The following SYN2 variants were observed in gnomAD, a reference collection of about 807,000 sequenced individuals.
The protein encoded by SYN2 is synapsin II.
Under a neutral mutation model 50.9 loss-of-function variants are expected in SYN2, and 19 were observed. The observed-to-expected ratio is 0.37, with a 90% CI of 0.26 to 0.55. SYN2 has a LOEUF of 0.55. Ranked by LOEUF, SYN2 falls within the 20% of genes least tolerant of loss-of-function variation. The pLI, the probability that SYN2 is intolerant of heterozygous loss-of-function variation, is 0.81. For missense variants in SYN2, 587 were observed against 576.4 expected (o/e 1.02, Z -0.19); for synonymous variants, 255 against 224.9 (o/e 1.13, Z -1.20).
At chr3:12,035,693 G>A (rs557520239) in intron 1 of SYN2, among the ~76,000 whole-genome samples, 1 of 152,330 alleles carries the variant, frequency 6.6e-6, no homozygotes, top group Non-Finnish European at 1.5e-5. Context: ...GTTCTAGTTT[G>A]TAATCGGATA....
At chr3:12,146,642 T>C (rs146381182) in intron 4 of SYN2, among the ~76,000 whole-genome samples, 1 of 152,316 alleles carries the variant, frequency 6.6e-6, no homozygotes, top group East Asian at 1.9e-4. Flanking sequence ...CTCCCATAGA[T>C]TGAGGCTCCT....
intron 1 of SYN2, among the ~76,000 whole-genome samples, chr3:12,031,936 G>T (rs1269930480): frequency 3.5e-5 from 5 of 141,464 alleles, no homozygotes; most frequent in African/African-American, 7.7e-5. Context: ...ATGTTAGCTG[G>T]TGATTTTGCT....
At chr3:12,019,332 A>G (rs138171858) in intron 1 of SYN2, among the ~76,000 whole-genome samples, 1 of 152,270 alleles carries the variant, frequency 6.6e-6, no homozygotes, top group Admixed American at 6.5e-5. Flanking sequence ...CCGTGAGCTA[A>G]CCATGTTAGC....
At position 12,004,431 on chromosome 3, in the gene SYN2, TC is replaced by T; in HGVS notation, c.-120del. 1 of 274,722 alleles carries T rather than the reference TC, an allele frequency of 3.6e-6. No homozygotes were observed. Among genetic ancestry groups the T allele is most frequent in the Non-Finnish European group, 7.1e-6 (1 of 141,582 alleles). 17.0% of individuals were successfully genotyped at this position (274,722 alleles called of 1,614,324 possible). ...GCGGGGTCTGGTGCCGGGGCCTGAGTCTCTGCTGGCTAAGCCGCCGCCTCAG... is the reference window on the plus strand; with the variant it reads ...GCGGGGTCTGGTGCCGGGGCCTGAGTTCTGCTGGCTAAGCCGCCGCCTCAG... On this transcript the variant is annotated 5_prime_UTR_variant, in exon 1 of 13. Coordinates refer to ENST00000621198, the MANE Select transcript of SYN2 (RefSeq NM_133625.6).
chr3:12,130,863 T>A (rs1559432351), intron 1 of SYN2, among the ~76,000 whole-genome samples: 1 of 152,226 alleles, frequency 6.6e-6, no homozygotes, highest in Non-Finnish European at 1.5e-5. Flanking sequence ...TCAACAGGTT[T>A]CATTCGGACT....
chr3:12,085,253 A>G (rs1695670317), intron 1 of SYN2, among the ~76,000 whole-genome samples: 2 of 152,136 alleles, frequency 1.3e-5, no homozygotes, highest in African/African-American at 4.8e-5. Context: ...ATAGACTTTA[A>G]TTCAAAAACT....
chr3:12,019,327 A>G (rs975738998), intron 1 of SYN2, among the ~76,000 whole-genome samples: 1 of 152,190 alleles, frequency 6.6e-6, no homozygotes, highest in African/African-American at 2.4e-5. Flanking sequence ...TGAGCCCGTG[A>G]GCTAACCATG....
intron 1 of SYN2, among the ~76,000 whole-genome samples, chr3:12,100,676 A>G (rs1443279919): frequency 6.6e-6 from 1 of 152,196 alleles, no homozygotes; most frequent in Non-Finnish European, 1.5e-5. Flanking sequence ...AGTAAAGTGA[A>G]AAGACAACCC....
At chr3:12,114,959 C>T (rs917326149) in intron 1 of SYN2, among the ~76,000 whole-genome samples, 1 of 152,146 alleles carries the variant, frequency 6.6e-6, no homozygotes, top group Non-Finnish European at 1.5e-5. Flanking sequence ...AATCTTTCCT[C>T]CACAATATGC....
At chr3:12,163,114 C>T (rs1476056809) in intron 7 of SYN2, among the ~76,000 whole-genome samples, 4 of 151,856 alleles carry the variant, frequency 2.6e-5, no homozygotes, top group South Asian at 2.1e-4. Flanking sequence ...TGGTGGTGGG[C>T]GCCTCTAGTC....
At chr3:12,071,220 GATC>G in intron 1 of SYN2, 1 of 553,714 alleles carries the variant, frequency 1.8e-6, no homozygotes, top group East Asian at 4.7e-5. Flanking sequence ...TGAAGATCAA[GATC>G]ATCGTGCCCC....
intron 5 of SYN2, among the ~76,000 whole-genome samples, chr3:12,151,871 G>T (rs1018033228): frequency 2.0e-5 from 3 of 152,188 alleles, no homozygotes; most frequent in Non-Finnish European, 4.4e-5. Flanking sequence ...ATAAGGCTGG[G>T]TTAACACTGT....
intron 1 of SYN2, among the ~76,000 whole-genome samples, chr3:12,119,208 C>G (rs1040094132): frequency 6.6e-6 from 1 of 151,356 alleles, no homozygotes; most frequent in African/African-American, 2.4e-5. Context: ...GTCAGCTATC[C>G]TTCCTTGGTT....
chr3:12,041,214 A>G lies in SYN2; in HGVS notation c.377+36286A>G, dbSNP rs905287380. Among the ~76,000 whole-genome samples, 4 of 152,168 alleles carry G rather than the reference A, an allele frequency of 2.6e-5. No homozygotes were observed. The East Asian group carries it at 5.8e-4, about 22-fold the overall frequency. On this transcript the variant is annotated intron_variant, in intron 1 of 12. Coordinates refer to ENST00000621198, the MANE Select transcript of SYN2 (RefSeq NM_133625.6). ...TGGTATCCCTACTTCTACTCTAGCA[A>G]TGATGAACTCCAGCCTTCCCAGAGG...
Position 12,167,238 on chromosome 3 carries a change from A to G in SYN2, c.985A>G (p.Thr329Ala), listed in dbSNP as rs769380122. ...IGNNYKAYMR[T>A]SISGNWKTNT... The stretch of plus-strand genomic sequence containing the variant: ...CCTGGTGGGATCTTGTTGCAGGAGG[A>G]CATCGATCTCAGGGAACTGGAAGAC... Residue 329 changes from threonine (T) to alanine (A), a missense_variant, in exon 8 of 13, where the codon ACA becomes GCA. By Grantham distance (58) the Thr-to-Ala change is moderately conservative (BLOSUM62 0). Coordinates refer to ENST00000621198, the MANE Select transcript of SYN2 (RefSeq NM_133625.6). 2.5e-6 allele frequency: 4 copies of G among 1,612,658 alleles called. No individual in the cohort carries two copies. The Middle Eastern group carries it at 4.9e-4, about 200-fold the overall frequency.
rs1697966148 is a variant in SYN2, at chr3:12,172,791, A to C, written c.1308+2885A>C. Among the ~76,000 whole-genome samples the C allele has an allele frequency of 2.6e-5, 4 of 152,178 alleles. No individual in the cohort carries two copies. In the South Asian group the frequency reaches 8.3e-4, roughly 32 times the overall value. On this transcript the variant is annotated intron_variant, in intron 10 of 12. Coordinates refer to ENST00000621198, the MANE Select transcript of SYN2 (RefSeq NM_133625.6). ...CAAAGACACTCCTATCACTCCAGAA[A>C]CTCCAAGAGTGTAGTGGTTACTTCT...
intron 1 of SYN2, among the ~76,000 whole-genome samples, chr3:12,020,116 T>C (rs1694102329): frequency 6.6e-6 from 1 of 152,272 alleles, no homozygotes; most frequent in South Asian, 2.1e-4. Flanking sequence ...TGACTTAGAG[T>C]TCTTCTGGTA....
chr3:12,107,546 G>A lies in SYN2; in HGVS notation c.378-33105G>A, dbSNP rs533911905. Among the ~76,000 whole-genome samples the A allele has an allele frequency of 4.6e-5, 7 of 152,252 alleles. No homozygotes were observed. In the South Asian group the frequency reaches 1.5e-3, roughly 32 times the overall value. ...TTAGTTCAGTTGCTAATGGTCATCCGGAGAGGTCATTCCCATCCGAGATGA... is the reference window on the plus strand; with the variant it reads ...TTAGTTCAGTTGCTAATGGTCATCCAGAGAGGTCATTCCCATCCGAGATGA... On this transcript the variant is annotated intron_variant, in intron 1 of 12. Coordinates refer to ENST00000621198, the MANE Select transcript of SYN2 (RefSeq NM_133625.6).
intron 1 of SYN2, among the ~76,000 whole-genome samples, chr3:12,086,837 T>C (rs1695711568): frequency 6.6e-6 from 1 of 152,164 alleles, no homozygotes; most frequent in African/African-American, 2.4e-5. Flanking sequence ...CTTCTATTTA[T>C]CATAATACTA....
Sources: allele counts gnomAD v4.1 joint callset (sites outside exome capture counted in the v4.1 genomes callset), GRCh38; gene constraint gnomAD v4.1.1; transcripts MANE v1.5; gene names NCBI Gene and HGNC (gene_info 2026-07-23, HGNC 2026-07-21).